The following RAB28 variants were observed in gnomAD, a reference collection of about 807,000 sequenced individuals.
RAB28 encodes RAB28, member RAS oncogene family.
RAB28 carries 24 observed loss-of-function variants against 31.7 expected under a neutral mutation model. That is an observed-to-expected ratio of 0.76 (90% CI 0.55 to 1.06). The LOEUF (loss-of-function observed/expected upper bound fraction) is 1.06. RAB28 is among the 50% of genes least tolerant of loss of function. The pLI, the probability that RAB28 is intolerant of heterozygous loss-of-function variation, is 0.00. For synonymous variants in RAB28, 100 were observed against 90.4 expected, an observed-to-expected ratio of 1.11 and a Z score of -0.60; for missense variants, 254 against 258.5, an observed-to-expected ratio of 0.98 and a Z score of 0.12.
intron 3 of RAB28, among the ~76,000 whole-genome samples, chr4:13,467,150 T>C (rs577602872): frequency 1.8e-4 from 28 of 151,850 alleles, no homozygotes; most frequent in Non-Finnish European, 3.5e-4. Flanking sequence ...CATTTCAAAA[T>C]TGCTAAAAGA....
chr4:13,371,291 T>A (rs917475864), intron 6 of RAB28: 1 of 985,184 alleles, frequency 1.0e-6, no homozygotes, highest in East Asian at 1.1e-4. Context: ...AAATGAGGTA[T>A]GAATCGGGGG....
intron 4 of RAB28, among the ~76,000 whole-genome samples, chr4:13,434,609 A>C (rs1032290198): frequency 2.0e-5 from 3 of 152,222 alleles, no homozygotes; most frequent in Non-Finnish European, 4.4e-5. Flanking sequence ...CATTGTTCTC[A>C]TCTATGCATG....
intron 4 of RAB28, among the ~76,000 whole-genome samples, chr4:13,424,707 T>C (rs1713376232): frequency 6.6e-6 from 1 of 152,180 alleles, no homozygotes; most frequent in Non-Finnish European, 1.5e-5. Flanking sequence ...GGCAACTGCC[T>C]ATACTTCTGT....
At chr4:13,381,462 T>G in intron 5 of RAB28, 29 bp downstream of exon 5, 2 of 1,462,524 alleles carry the variant, frequency 1.4e-6, no homozygotes, top group Non-Finnish European at 1.9e-6. Context: ...AAGGAAAACA[T>G]CACATACAGT....
intron 2 of RAB28, among the ~76,000 whole-genome samples, chr4:13,477,492 GTATA>G (rs1462999887): frequency 6.6e-6 from 1 of 151,514 alleles, no homozygotes; most frequent in Admixed American, 6.6e-5. Context: ...GTACATTAAA[GTATA>G]TAAAGGATAA....
chr4:13,424,496 T>C (rs957903463), intron 4 of RAB28, among the ~76,000 whole-genome samples: 2 of 152,202 alleles, frequency 1.3e-5, no homozygotes, highest in African/African-American at 2.4e-5. Context: ...TATTACCTCA[T>C]CTTAACTTGA....
rs192955170 is a variant in RAB28 at position 13,481,233 on chromosome 4, G to A, written c.76-1707C>T. Reference sequence around the variant, plus strand: ...ACTTTTGAGGCAAACATAAAGCTAGGATTTTCAACTGGAATCGAGTGTAAA... The same window carrying A: ...ACTTTTGAGGCAAACATAAAGCTAGAATTTTCAACTGGAATCGAGTGTAAA... On this transcript the variant is annotated intron_variant, in intron 1 of 6. Coordinates refer to ENST00000330852, the MANE Select transcript of RAB28 (RefSeq NM_001017979.3). Among the ~76,000 whole-genome samples, 1,065 of 152,060 alleles carry A rather than the reference G, an allele frequency of 7.0e-3. 13 individuals carry two copies. The highest frequency in any genetic ancestry group is 0.024 in the African/African-American group (1,010 of 41,552).
In RAB28 at chr4:13,479,521, G is replaced by A; in HGVS notation, c.81C>T (p.Ser27=). 6.3e-7 allele frequency: 1 copy of A among 1,594,622 alleles called. No homozygotes were observed. The highest frequency in any genetic ancestry group is 1.1e-5 in the South Asian group (1 of 90,034). ...VLGDGASGKT[S]LTTCFAQETF... is the part of the protein sequence containing the mutation. Reference sequence around the variant, plus strand: ...TTTCTTGAGCAAAACACGTAGTTAAGGAGGTCTAAAAAATTGATGCACAGA... The same window carrying A: ...TTTCTTGAGCAAAACACGTAGTTAAAGAGGTCTAAAAAATTGATGCACAGA... The change falls in exon 2 of 7, where the codon TCC becomes TCT. Residue 27 remains serine, a synonymous_variant. Transcript: ENST00000330852.
At position 13,462,918 on chromosome 4, in the gene RAB28, A is replaced by T. The variant is rs1026223580; in HGVS notation, c.262-2090T>A. On this transcript the variant is annotated intron_variant, in intron 3 of 6. Coordinates refer to ENST00000330852, the MANE Select transcript of RAB28 (RefSeq NM_001017979.3). ...GCCCCACCTCCAACTGCCATGGGTG[A>T]TATATTATTTGTTGAAAAGAGCTCT... Among the ~76,000 whole-genome samples, 4 of 152,296 alleles carry T rather than the reference A, an allele frequency of 2.6e-5. No homozygotes were observed. In the East Asian group the frequency reaches 7.7e-4, roughly 29 times the overall value.
chr4:13,426,066 A>G (rs1713465182), intron 4 of RAB28, among the ~76,000 whole-genome samples: 1 of 152,198 alleles, frequency 6.6e-6, no homozygotes, highest in African/African-American at 2.4e-5. Flanking sequence ...TTATGGCTGT[A>G]TTACCATCAA....
chr4:13,462,447 T>C (rs993149409), intron 3 of RAB28, among the ~76,000 whole-genome samples: 3 of 152,194 alleles, frequency 2.0e-5, no homozygotes, highest in Non-Finnish European at 4.4e-5. Flanking sequence ...TTTAATATAA[T>C]GTGTGACTTT....
chr4:13,414,107 C>T (rs897266078), intron 4 of RAB28, among the ~76,000 whole-genome samples: 3 of 152,158 alleles, frequency 2.0e-5, no homozygotes, highest in East Asian at 1.9e-4. Context: ...AAGCCACGCA[C>T]GAGTCTCTGC....
At position 13,412,848 on chromosome 4, in the gene RAB28, T is replaced by C. The variant is rs564138741; in HGVS notation, c.392-31254A>G. On this transcript the variant is annotated intron_variant, in intron 4 of 6. Coordinates refer to ENST00000330852, the MANE Select transcript of RAB28 (RefSeq NM_001017979.3). ...GAGATACAAAAACTCAGAGAAGTTA[T>C]GGTAAGATAATAGGAAGTGATGAAA... Among the ~76,000 whole-genome samples, 104 of 152,148 alleles carry C rather than the reference T, an allele frequency of 6.8e-4. 1 individual carries two copies. The South Asian group carries it at 0.02, about 30-fold the overall frequency.
intron 4 of RAB28, among the ~76,000 whole-genome samples, chr4:13,405,666 G>A (rs1450193792): frequency 6.6e-6 from 1 of 152,026 alleles, no homozygotes; most frequent in African/African-American, 2.4e-5. Context: ...CAATAAAAGA[G>A]GAACTACTGA....
chr4:13,413,692 G>A (rs1425795737), intron 4 of RAB28, among the ~76,000 whole-genome samples: 1 of 152,156 alleles, frequency 6.6e-6, no homozygotes, highest in Non-Finnish European at 1.5e-5. Flanking sequence ...GAAAAGAAGA[G>A]ATAGTTTTTT....
In RAB28 at chr4:13,413,506, C is replaced by T. The variant is rs191682325; in HGVS notation, c.392-31912G>A. On this transcript the variant is annotated intron_variant, in intron 4 of 6. Coordinates refer to ENST00000330852, the MANE Select transcript of RAB28 (RefSeq NM_001017979.3). Reference sequence around the variant, plus strand: ...TGTAAAAAGAAGACTACTCTTTATTCGGCTCTTGTCACACTATTTAATAGT... The same window carrying T: ...TGTAAAAAGAAGACTACTCTTTATTTGGCTCTTGTCACACTATTTAATAGT... Among the ~76,000 whole-genome samples the T allele has an allele frequency of 1.4e-4, 21 of 152,180 alleles. No individual in the cohort carries two copies. In the East Asian group the frequency reaches 2.3e-3, roughly 17 times the overall value.
intron 4 of RAB28, among the ~76,000 whole-genome samples, chr4:13,439,845 T>A (rs1166758594): frequency 6.6e-6 from 1 of 152,192 alleles, no homozygotes; most frequent in Non-Finnish European, 1.5e-5. Flanking sequence ...GTGAGCCTAG[T>A]ACCATAATGC....
At chr4:13,421,343 T>A (rs543956996) in intron 4 of RAB28, among the ~76,000 whole-genome samples, 1 of 152,328 alleles carries the variant, frequency 6.6e-6, no homozygotes, top group South Asian at 2.1e-4. Context: ...AGGTGATTTA[T>A]AGATTCAATG....
chr4:13,435,190 T>C (rs1474955771), intron 4 of RAB28, among the ~76,000 whole-genome samples: 1 of 147,210 alleles, frequency 6.8e-6, no homozygotes, highest in Non-Finnish European at 1.5e-5. Flanking sequence ...TAAATGAAAA[T>C]AGATAATATA....
Sources: allele counts gnomAD v4.1 joint callset (sites outside exome capture counted in the v4.1 genomes callset), GRCh38; gene constraint gnomAD v4.1.1; transcripts MANE v1.5; gene names NCBI Gene and HGNC (gene_info 2026-07-23, HGNC 2026-07-21).